The following DR1 variants were observed in gnomAD, a reference collection of about 807,000 sequenced individuals.
The protein encoded by DR1 is protein Dr1.
Under a neutral mutation model 19.9 loss-of-function variants are expected in DR1, and 7 were observed. The observed-to-expected ratio is 0.35, with a 90% CI of 0.20 to 0.66. The LOEUF is 0.66. Ranked by LOEUF, DR1 falls within the 30% of genes least tolerant of loss-of-function variation. DR1 has a pLI of 0.66. For synonymous variants in DR1, 76 were observed against 72.5 expected (o/e 1.05, Z -0.24); for missense variants, 98 against 203.7 (o/e 0.48, Z 3.16).
Position 93,348,487 on chromosome 1 carries a change from G to A in DR1, c.220+1622G>A, listed in dbSNP as rs898244388. On this transcript the variant is annotated intron_variant, in intron 1 of 2. Transcript: ENST00000370272. ...TGTTTACACTACAGAAGTGGGGATC[G>A]TTCCAAAAACCTAATAACACATTAC... Among the ~76,000 whole-genome samples, 9 of 152,190 alleles carry A rather than the reference G, an allele frequency of 5.9e-5. 1 individual carries two copies. The South Asian group carries it at 8.3e-4, about 14-fold the overall frequency.
At chr1:93,355,916 G>A (rs930971795) in intron 2 of DR1, 4 of 152,072 alleles carry the variant, frequency 2.6e-5, no homozygotes, top group African/African-American at 9.7e-5. Flanking sequence ...CACAATGACA[G>A]CCTCATTTGA....
rs1373410908 is a variant in DR1, at chr1:93,367,647, A to T, written c.*7008A>T. ...GAATACCCAGAGAAAACTCATGCAG[A>T]TATGTGGAGGACATGCAAAATTCAC... On this transcript the variant is annotated 3_prime_UTR_variant, in exon 3 of 3. Coordinates refer to ENST00000370272, the MANE Select transcript of DR1 (RefSeq NM_001938.3). The T allele has an allele frequency of 6.6e-6, 1 of 152,274 alleles. No homozygotes were observed. The highest frequency in any genetic ancestry group is 2.4e-5 in the African/African-American group (1 of 41,472). The allele number at this position is 152,274 out of a possible 1,614,324, so 9.4% of individuals were successfully genotyped here. A position where few individuals can be genotyped will look rare whatever the true frequency, so the allele number is the denominator to read the frequency against.
intron 1 of DR1, among the ~76,000 whole-genome samples, chr1:93,347,326 T>C (rs1219179288): frequency 6.6e-6 from 1 of 152,186 alleles, no homozygotes; most frequent in African/African-American, 2.4e-5. Context: ...TCTGAACACA[T>C]GAGTTAAAAA....
At chr1:93,348,534 T>G (rs185588237) in intron 1 of DR1, among the ~76,000 whole-genome samples, 1 of 151,962 alleles carries the variant, frequency 6.6e-6, no homozygotes, top group East Asian at 1.9e-4. Flanking sequence ...TTGGGGAGAG[T>G]TGATTCTTTT....
rs1667093179 is a variant in DR1, at chr1:93,364,358, G to A, written c.*3719G>A. 1 of 152,140 alleles carries A rather than the reference G, an allele frequency of 6.6e-6. No homozygotes were observed. Among genetic ancestry groups the A allele is most frequent in the South Asian group, 2.1e-4 (1 of 4,826 alleles). 9.4% of individuals were successfully genotyped at this position (152,140 alleles called of 1,614,324 possible). A position where few individuals can be genotyped will look rare whatever the true frequency, so the allele number is the denominator to read the frequency against. On this transcript the variant is annotated 3_prime_UTR_variant, in exon 3 of 3. Transcript: ENST00000370272. ...AGTATGTTGAATTAGTATGTTGTGG[G>A]AAAATCTGTGATTTAATTTTTTAAT... is the stretch of plus-strand genomic sequence containing the variant.
At chr1:93,354,110 C>T in intron 2 of DR1, 39 bp downstream of exon 2, 1 of 1,571,574 alleles carries the variant, frequency 6.4e-7, no homozygotes, top group Non-Finnish European at 8.7e-7. Context: ...CTGAATCCTA[C>T]CCTGTTTGCT....
At position 93,367,552 on chromosome 1, in the gene DR1, C is replaced by G. The variant is rs1667181648; in HGVS notation, c.*6913C>G. On this transcript the variant is annotated 3_prime_UTR_variant, in exon 3 of 3. Coordinates refer to ENST00000370272, the MANE Select transcript of DR1 (RefSeq NM_001938.3). ...ACAGGGCGCACTCACACGGCACACA[C>G]ACGCATACTGGGACCATTTAGCTGT... 6.6e-6 allele frequency: 1 copy of G among 152,188 alleles called. No individual in the cohort carries two copies. The highest frequency in any genetic ancestry group is 2.1e-4 in the South Asian group (1 of 4,836). The allele number at this position is 152,188 out of a possible 1,614,324, so 9.4% of individuals were successfully genotyped here.
Position 93,345,947 on chromosome 1 carries a change from G to T in DR1, c.-699G>T, listed in dbSNP as rs999949383. The T allele has an allele frequency of 6.5e-6, 1 of 152,794 alleles. No individual in the cohort carries two copies. Among genetic ancestry groups the T allele is most frequent in the African/African-American group, 2.4e-5 (1 of 41,434 alleles). 9.5% of individuals were successfully genotyped at this position (152,794 alleles called of 1,614,324 possible). On this transcript the variant is annotated 5_prime_UTR_variant, in exon 1 of 3. Transcript: ENST00000370272. ...AGCGGCTTCCTGCAAACCTTCCCTG[G>T]CATCTGGAGGGACCACCGTTGCCGC... is the stretch of plus-strand genomic sequence containing the variant.
At chr1:93,352,102 C>G (rs1666919089) in intron 1 of DR1, among the ~76,000 whole-genome samples, 1 of 152,112 alleles carries the variant, frequency 6.6e-6, no homozygotes, top group African/African-American at 2.4e-5. Flanking sequence ...CAGGGTCTTG[C>G]TTTCTCACCC....
rs1667117819 is a variant in DR1, at chr1:93,365,550, A to G, written c.*4911A>G. 6.6e-6 allele frequency: 1 copy of G among 152,164 alleles called. No homozygotes were observed. The highest frequency in any genetic ancestry group is 1.5e-5 in the Non-Finnish European group (1 of 68,058). 9.4% of individuals were successfully genotyped at this position (152,164 alleles called of 1,614,324 possible). Reference sequence around the variant, plus strand: ...TTGCGAGTATAGGAGGCAAAATTGCACCCTGTTGAAAACCACCACCTTAGA... The same window carrying G: ...TTGCGAGTATAGGAGGCAAAATTGCGCCCTGTTGAAAACCACCACCTTAGA... On this transcript the variant is annotated 3_prime_UTR_variant, in exon 3 of 3. Coordinates refer to ENST00000370272, the MANE Select transcript of DR1 (RefSeq NM_001938.3).
intron 2 of DR1, among the ~76,000 whole-genome samples, chr1:93,358,295 A>C (rs2101639128): frequency 7.0e-6 from 1 of 143,418 alleles, no homozygotes; most frequent in Admixed American, 7.2e-5. Context: ...TTTCTTTGCT[A>C]GCTGACTCTC....
rs1667186077 is a variant in DR1, at chr1:93,367,864, T to G, written c.*7225T>G. On this transcript the variant is annotated 3_prime_UTR_variant, in exon 3 of 3. Coordinates refer to ENST00000370272, the MANE Select transcript of DR1 (RefSeq NM_001938.3). ...TCATCTGTGCTAAAATACAAAAAAT[T>G]AGCCAGGCTTGGTGGTGTGCACCTG... The G allele has an allele frequency of 6.6e-6, 1 of 152,106 alleles. No individual in the cohort carries two copies. The highest frequency in any genetic ancestry group is 1.5e-5 in the Non-Finnish European group (1 of 68,042). 9.4% of individuals were successfully genotyped at this position (152,106 alleles called of 1,614,324 possible).
Position 93,361,999 on chromosome 1 carries a change from T to C in DR1, c.*1360T>C, listed in dbSNP as rs1240805030. ...ATAGTATTAAGTAATTAAATTCCTA[T>C]GTCAGTTGCCAAATCTTTTAAACTT... On this transcript the variant is annotated 3_prime_UTR_variant, in exon 3 of 3. Transcript: ENST00000370272. 6.6e-6 allele frequency: 1 copy of C among 152,520 alleles called. No homozygotes were observed. The highest frequency in any genetic ancestry group is 1.5e-5 in the Non-Finnish European group (1 of 67,902). 9.4% of individuals were successfully genotyped at this position (152,520 alleles called of 1,614,324 possible).
chr1:93,349,050 A>T (rs1475410893), intron 1 of DR1, among the ~76,000 whole-genome samples: 1 of 152,102 alleles, frequency 6.6e-6, no homozygotes, highest in African/African-American at 2.4e-5. Context: ...AGTAATGTAC[A>T]TTTTAAAGTG....
rs1667127034 is a variant in DR1, at chr1:93,366,204, A to G, written c.*5565A>G. On this transcript the variant is annotated 3_prime_UTR_variant, in exon 3 of 3. Transcript: ENST00000370272. ...ATTTACCATAATGTCTTCAAAGTTC[A>G]TTCATGTTGTAGCATGTATTAGAAT... is the stretch of plus-strand genomic sequence containing the variant. The G allele has an allele frequency of 6.6e-6, 1 of 152,222 alleles. No homozygotes were observed. Among genetic ancestry groups the G allele is most frequent in the African/African-American group, 2.4e-5 (1 of 41,458 alleles). 9.4% of individuals were successfully genotyped at this position (152,222 alleles called of 1,614,324 possible). A position where few individuals can be genotyped will look rare whatever the true frequency, so the allele number is the denominator to read the frequency against.
In DR1 at chr1:93,369,425, G is replaced by A. The variant is rs960462005; in HGVS notation, c.*8786G>A. On this transcript the variant is annotated 3_prime_UTR_variant, in exon 3 of 3. Coordinates refer to ENST00000370272, the MANE Select transcript of DR1 (RefSeq NM_001938.3). ...TTTCAGCTCCCTTTTTCTGTCCACT[G>A]TTGTCTAAATGATTCACTCAGTGTT... 3.3e-5 allele frequency: 5 copies of A among 152,176 alleles called. No homozygotes were observed. The highest frequency in any genetic ancestry group is 7.3e-5 in the Non-Finnish European group (5 of 68,030). 9.4% of individuals were successfully genotyped at this position (152,176 alleles called of 1,614,324 possible). A position where few individuals can be genotyped will look rare whatever the true frequency, so the allele number is the denominator to read the frequency against.
chr1:93,352,506 T>C (rs1176646552), intron 1 of DR1, among the ~76,000 whole-genome samples: 1 of 152,246 alleles, frequency 6.6e-6, no homozygotes, highest in Non-Finnish European at 1.5e-5. Flanking sequence ...AGAAGGTTGA[T>C]GAAAACAGCT....
At chr1:93,357,020 C>T (rs1666995802) in intron 2 of DR1, among the ~76,000 whole-genome samples, 1 of 152,170 alleles carries the variant, frequency 6.6e-6, no homozygotes, top group East Asian at 1.9e-4. Flanking sequence ...CCGCGCCCGG[C>T]CTTAAAATGT....
chr1:93,360,093 T>C (rs550275624), intron 2 of DR1, among the ~76,000 whole-genome samples: 1 of 152,122 alleles, frequency 6.6e-6, no homozygotes, highest in South Asian at 2.1e-4. Context: ...TGTATCAAAG[T>C]TGTAATATGA....
Sources: gnomAD v4.1 joint callset for allele counts (sites outside exome capture counted in the v4.1 genomes callset) on GRCh38, gnomAD v4.1.1 for gene constraint, MANE v1.5 for transcripts, NCBI Gene and HGNC (gene_info 2026-07-23, HGNC 2026-07-21) for gene names.